Variants in HOXD3 observed in about 807,000 individuals in gnomAD.
HOXD3 encodes homeobox D3, also known as homeobox protein Hox-D3.
Under a neutral mutation model 32.8 loss-of-function variants are expected in HOXD3, and 13 were observed. The observed-to-expected ratio is 0.40, with a 90% CI of 0.26 to 0.63. The LOEUF is 0.63. Ranked by LOEUF, HOXD3 falls within the 20% of genes least tolerant of loss-of-function variation. The pLI is 0.44. For synonymous variants in HOXD3, 241 were observed against 246.8 expected, an observed-to-expected ratio of 0.98 and a Z score of 0.22; for missense variants, 504 against 577.1, an observed-to-expected ratio of 0.87 and a Z score of 1.30.
chr2:176,159,984 G>T (rs1308052762), intron 1 of HOXD3, among the ~76,000 whole-genome samples: 1 of 152,242 alleles, frequency 6.6e-6, no homozygotes, highest in African/African-American at 2.4e-5. Flanking sequence ...CTGGGTCCGG[G>T]TCGCCTGCTA....
chr2:176,159,877 C>T (rs1294161357), intron 1 of HOXD3, among the ~76,000 whole-genome samples: 4 of 152,188 alleles, frequency 2.6e-5, no homozygotes, highest in African/African-American at 7.2e-5. Context: ...GACCTGGAGT[C>T]GCACAGATCA....
chr2:176,155,095 G>C (rs1157797437), upstream of HOXD3, among the ~76,000 whole-genome samples: 1 of 152,142 alleles, frequency 6.6e-6, no homozygotes, highest in Non-Finnish European at 1.5e-5. Context: ...CTCTAACATG[G>C]AGAGCAGTCT....
At chr2:176,166,191 C>A (rs1690965477) in intron 2 of HOXD3, among the ~76,000 whole-genome samples, 1 of 152,112 alleles carries the variant, frequency 6.6e-6, no homozygotes, top group South Asian at 2.1e-4. Context: ...CAGGAAGATG[C>A]CCAATGTTTG....
chr2:176,169,600 C>G lies in HOXD3; in HGVS notation c.486C>G (p.Pro162=), dbSNP rs1400014668. The part of the protein sequence containing the change: ...SSATISKQIF[P]WMKESRQNSK... Reference sequence around the variant, plus strand: ...CCACCATCAGCAAGCAGATCTTCCCCTGGATGAAAGAGTCTCGACAGAACT... The same window carrying G: ...CCACCATCAGCAAGCAGATCTTCCCGTGGATGAAAGAGTCTCGACAGAACT... The change falls in exon 3 of 4, where the codon CCC becomes CCG. Residue 162 remains proline (P), a synonymous_variant. Transcript: ENST00000683222. The G allele has an allele frequency of 6.2e-7, 1 of 1,613,298 alleles. No homozygotes were observed. The highest frequency in any genetic ancestry group is 1.7e-5 in the Admixed American group (1 of 59,950).
upstream of HOXD3, chr2:176,152,799 T>C: frequency 6.2e-7 from 1 of 1,614,032 alleles, no homozygotes; most frequent in Middle Eastern, 1.6e-4. The surrounding 1 kb of genome is among the most constrained non-coding windows in gnomAD (Gnocchi z 5.2). Context: ...GAGGATGAAG[T>C]GGAAAAAAGA....
upstream of HOXD3, chr2:176,152,578 C>A: frequency 6.3e-7 from 1 of 1,591,644 alleles, no homozygotes; most frequent in Non-Finnish European, 8.6e-7. This position sits in a 1 kb window ranked among gnomAD's most constrained non-coding sequence, Gnocchi z 5.2. Context: ...CGGGCGCTGA[C>A]CTGCCTGTCC....
chr2:176,169,186 A>C lies in HOXD3; in HGVS notation c.72A>C (p.Glu24Asp), dbSNP rs767672887. 17 of 1,614,102 alleles carry C rather than the reference A, an allele frequency of 1.1e-5. No individual in the cohort carries two copies. Among genetic ancestry groups the C allele is most frequent in the Non-Finnish European group, 1.3e-5 (15 of 1,180,024 alleles). ...ECTMQKAAYY[E>D]NPGLFGGYGY... ...CAATGCAGAAGGCTGCTTACTATGA[A>C]AACCCAGGACTGTTTGGAGGCTATG... Residue 24 changes from glutamate (E) to aspartate (D), a missense_variant, in exon 3 of 4, where the codon GAA becomes GAC. Around this residue, in one of 3 missense-constraint regions of HOXD3, gnomAD observed 181 missense variants for 172.2 expected, o/e 1.05. Transcript: ENST00000683222.
At chr2:176,165,309 G>A (rs561499519) in intron 2 of HOXD3, 214 of 152,380 alleles carry the variant, frequency 1.4e-3, no homozygotes, top group Non-Finnish European at 2.6e-3. Flanking sequence ...TGGTCGCTGT[G>A]AGCGCCTTTT....
At chr2:176,163,253 G>A (rs918782469) in intron 1 of HOXD3, among the ~76,000 whole-genome samples, 4 of 152,130 alleles carry the variant, frequency 2.6e-5, no homozygotes, top group Admixed American at 2.6e-4. Flanking sequence ...AGGCTTTCCC[G>A]GGTGTAGTTT....
At position 176,169,989 on chromosome 2, in the gene HOXD3, T is replaced by C. The variant is rs187839095; in HGVS notation, c.541+334T>C. On this transcript the variant is annotated intron_variant, in intron 3 of 3. Coordinates refer to ENST00000683222, the MANE Select transcript of HOXD3 (RefSeq NM_006898.5). ...CAGCTCTTCAAGATTTGAAGATAGG[T>C]ATTACAATCCCCAAGCCTAGGTGAT... Among the ~76,000 whole-genome samples, 6 of 152,284 alleles carry C rather than the reference T, an allele frequency of 3.9e-5. No homozygotes were observed. In the East Asian group the frequency reaches 1.2e-3, roughly 29 times the overall value.
rs1300182245 is a variant in HOXD3, at chr2:176,171,831, C to G, written c.856C>G (p.Leu286Val). The G allele has an allele frequency of 6.2e-7, 1 of 1,607,630 alleles. No homozygotes were observed. Among genetic ancestry groups the G allele is most frequent in the African/African-American group, 1.3e-5 (1 of 74,762 alleles). Residue 286 changes from leucine (L) to valine (V), a missense_variant, in exon 4 of 4, where the codon CTG becomes GTG. Leu to Val is a conservative substitution (Grantham distance 32, BLOSUM62 1). Transcript: ENST00000683222. The part of the protein sequence containing the change: ...AAGHVAYSGQ[L>V]PPVPGLAYDA... ...TGGCCACGTGGCCTACTCCGGCCAGCTGCCGCCAGTGCCCGGCCTGGCCTA... is the reference window on the plus strand; with the variant it reads ...TGGCCACGTGGCCTACTCCGGCCAGGTGCCGCCAGTGCCCGGCCTGGCCTA...
intron 1 of HOXD3, among the ~76,000 whole-genome samples, chr2:176,158,642 C>T (rs529995354): frequency 6.6e-6 from 1 of 152,232 alleles, no homozygotes; most frequent in South Asian, 2.1e-4. Flanking sequence ...ATTTCCCCGT[C>T]AGGACAGAAA....
At chr2:176,154,346 T>C (rs1030169474), upstream of HOXD3, among the ~76,000 whole-genome samples, 4 of 152,156 alleles carry the variant, frequency 2.6e-5, no homozygotes, top group Non-Finnish European at 5.9e-5. Context: ...TCTAAAATGC[T>C]GACCCTCAAG....
intron 1 of HOXD3, among the ~76,000 whole-genome samples, chr2:176,163,341 G>A (rs564017081): frequency 6.6e-6 from 1 of 151,904 alleles, no homozygotes; most frequent in South Asian, 2.1e-4. Flanking sequence ...CCTTTCACCT[G>A]ACGGGGGGTG....
chr2:176,158,946 G>C (rs909339949), intron 1 of HOXD3, among the ~76,000 whole-genome samples: 5 of 152,146 alleles, frequency 3.3e-5, no homozygotes, highest in African/African-American at 4.8e-5. Flanking sequence ...CCCCGGCTTG[G>C]CGGGCACTGG....
chr2:176,169,527 T>C lies in HOXD3; in HGVS notation c.413T>C (p.Val138Ala). 1 of 1,613,352 alleles carries C rather than the reference T, an allele frequency of 6.2e-7. No individual in the cohort carries two copies. The highest frequency in any genetic ancestry group is 8.5e-7 in the Non-Finnish European group (1 of 1,179,834). The change falls in exon 3 of 4, where the codon GTG becomes GCG. Residue 138 changes from valine to alanine, a missense_variant. Physicochemically the swap from Val to Ala is moderately conservative, Grantham distance 64 (BLOSUM62 0). Coordinates refer to ENST00000683222, the MANE Select transcript of HOXD3 (RefSeq NM_006898.5). ...PSSPTNPGGG[V>A]PAKKPKGGPN... is the part of the protein sequence containing the mutation. Reference sequence around the variant, plus strand: ...TCACCCACCAATCCTGGAGGTGGAGTGCCTGCCAAGAAGCCCAAAGGTGGG... The same window carrying C: ...TCACCCACCAATCCTGGAGGTGGAGCGCCTGCCAAGAAGCCCAAAGGTGGG...
At position 176,172,523 on chromosome 2, in the gene HOXD3, C is replaced by T; in HGVS notation, c.*249C>T. On this transcript the variant is annotated 3_prime_UTR_variant, in exon 4 of 4. Coordinates refer to ENST00000683222, the MANE Select transcript of HOXD3 (RefSeq NM_006898.5). Reference sequence around the variant, plus strand: ...CCTGTAAATTTGACAGTGCCACATACTGCGGACCAAGGGACTCCAATCTGG... The same window carrying T: ...CCTGTAAATTTGACAGTGCCACATATTGCGGACCAAGGGACTCCAATCTGG... 1.9e-6 allele frequency: 1 copy of T among 534,978 alleles called. No individual in the cohort carries two copies. The highest frequency in any genetic ancestry group is 2.7e-5 in the South Asian group (1 of 36,758). The allele number at this position is 534,978 out of a possible 1,614,324, so 33.1% of individuals were successfully genotyped here.
At chr2:176,167,686 CTTTTTTTTTTTTTTT>C (rs56761217) in intron 2 of HOXD3, among the ~76,000 whole-genome samples, 3 of 108,910 alleles carry the variant, frequency 2.8e-5, no homozygotes, top group Non-Finnish European at 5.5e-5. Context: ...GGGGGAGACC[CTTTTTTTTTTTTTTT>C]TTTTTTTTTT....
upstream of HOXD3, among the ~76,000 whole-genome samples, chr2:176,155,237 A>G (rs570247727): frequency 9.2e-5 from 14 of 152,296 alleles, no homozygotes; most frequent in African/African-American, 3.4e-4. Flanking sequence ...ATATATTTTC[A>G]CAACATCCAA....
Sources: allele counts gnomAD v4.1 joint callset (sites outside exome capture counted in the v4.1 genomes callset), GRCh38; gene constraint gnomAD v4.1.1; regional missense constraint gnomAD v4.1.1; non-coding constraint Gnocchi (gnomAD v3.1); transcripts MANE v1.5; gene names NCBI Gene and HGNC (gene_info 2026-07-23, HGNC 2026-07-21).